Variants in PCDHGA9 observed in about 807,000 individuals in gnomAD.
The protein encoded by PCDHGA9 is protocadherin gamma subfamily A, 9.
A neutral mutation model predicts 62.5 loss-of-function variants in PCDHGA9; 37 were observed. That is an observed-to-expected ratio of 0.59 (90% CI 0.46 to 0.78). PCDHGA9 has a LOEUF of 0.78. Ranked by LOEUF, PCDHGA9 falls within the 30% of genes least tolerant of loss-of-function variation. The pLI, the probability that PCDHGA9 is intolerant of heterozygous loss-of-function variation, is 0.00. For synonymous variants in PCDHGA9, 459 were observed against 484.6 expected (o/e 0.95, Z 0.69); for missense variants, 1,138 against 1,166.2 (o/e 0.98, Z 0.35).
Position 141,406,431 on chromosome 5 carries a change from T to A in PCDHGA9, c.2424+1055T>A, listed in dbSNP as rs1316370664. 2.0e-5 allele frequency among the ~76,000 whole-genome samples: 3 copies of A among 152,352 alleles called. No individual in the cohort carries two copies. In the South Asian group the frequency reaches 6.2e-4, roughly 32 times the overall value. ...CAGCTGAAAGCCCAGATTTATTGCT[T>A]CTATTCTTCCATTTCTATGACAGGA... On this transcript the variant is annotated intron_variant, in intron 1 of 3. Coordinates refer to ENST00000573521, the MANE Select transcript of PCDHGA9 (RefSeq NM_018921.3).
At position 141,404,471 on chromosome 5, in the gene PCDHGA9, A is replaced by G. The variant is rs200620626; in HGVS notation, c.1519A>G (p.Ile507Val). The part of the protein sequence containing the change: ...QGSPLSTYVS[I>V]NSDTGVLYAL... ...GTCTCCTCTCTCCACCTATGTCTCT[A>G]TTAACTCAGACACTGGTGTGCTGTA... Residue 507 changes from isoleucine to valine, a missense_variant, in exon 1 of 4, where the codon ATT (isoleucine) becomes GTT (valine). Ile to Val is a conservative substitution (Grantham distance 29). Coordinates refer to ENST00000573521, the MANE Select transcript of PCDHGA9 (RefSeq NM_018921.3). 307 of 1,613,160 alleles carry G rather than the reference A, an allele frequency of 1.9e-4. No homozygotes were observed. Among genetic ancestry groups the G allele is most frequent in the Non-Finnish European group, 2.5e-4 (293 of 1,179,322 alleles).
chr5:141,432,949 C>A lies in PCDHGA9; in HGVS notation c.2424+27573C>A, dbSNP rs764998032. ...CACGCCTGCTGCAGGCTTCAGGAGG[C>A]GGCTTGACAGGAGCGCCGGCGTCGC... On this transcript the variant is annotated intron_variant, in intron 1 of 3. Transcript: ENST00000573521. This position sits in a 1 kb window ranked among gnomAD's most constrained non-coding sequence, Gnocchi z 6.0. The A allele has an allele frequency of 1.9e-6, 3 of 1,614,184 alleles. No homozygotes were observed. The highest frequency in any genetic ancestry group is 2.5e-6 in the Non-Finnish European group (3 of 1,180,040).
intron 1 of PCDHGA9, among the ~76,000 whole-genome samples, chr5:141,474,185 C>T (rs1481544975): frequency 1.3e-5 from 2 of 152,180 alleles, no homozygotes; most frequent in Non-Finnish European, 2.9e-5. Flanking sequence ...AAACTACTTA[C>T]ATTTTTAAAA....
At chr5:141,411,895 A>G (rs945335839) in intron 1 of PCDHGA9, 1 of 152,254 alleles carries the variant, frequency 6.6e-6, no homozygotes, top group Non-Finnish European at 1.5e-5. Context: ...TAAATGAAAT[A>G]CTATTGCCTT....
chr5:141,472,268 A>G (rs399559), intron 1 of PCDHGA9, among the ~76,000 whole-genome samples: 152,324 of 152,332 alleles, frequency 1, 76,158 homozygotes, highest in Middle Eastern at 1. Flanking sequence ...ATAGCCGGGC[A>G]CAGTGGCTCA....
chr5:141,408,302 C>T (rs1017556555), intron 1 of PCDHGA9: 1 of 1,613,780 alleles, frequency 6.2e-7, no homozygotes, highest in Non-Finnish European at 8.5e-7. Context: ...TGAGCCGATC[C>T]GCTACTCGAT....
rs190955361 is a variant in PCDHGA9, at chr5:141,486,090, G to A, written c.2425-8717G>A. On this transcript the variant is annotated intron_variant, in intron 1 of 3. Transcript: ENST00000573521. The surrounding 1 kb of genome is among the most constrained non-coding windows in gnomAD (Gnocchi z 5.0). ...ACTACTGGAAAGCTTACTCTTTTGG[G>A]GCCCCTAGACTTTGAGAGTGAGAAT... 3 of 1,614,086 alleles carry A rather than the reference G, an allele frequency of 1.9e-6. No homozygotes were observed. The highest frequency in any genetic ancestry group is 1.6e-4 in the Middle Eastern group (1 of 6,062).
chr5:141,477,566 C>T lies in PCDHGA9; in HGVS notation c.2425-17241C>T, dbSNP rs749100730. On this transcript the variant is annotated intron_variant, in intron 1 of 3. Coordinates refer to ENST00000573521, the MANE Select transcript of PCDHGA9 (RefSeq NM_018921.3). The surrounding 1 kb of genome is among the most constrained non-coding windows in gnomAD (Gnocchi z 4.9). ...AATACTAAACCTAAGTGTCTGGGAC[C>T]CCGACGCCCCGCAGAATGCTCGGCT... The T allele has an allele frequency of 1.9e-6, 3 of 1,613,988 alleles. No homozygotes were observed. The highest frequency in any genetic ancestry group is 8.5e-7 in the Non-Finnish European group (1 of 1,180,032).
chr5:141,421,409 C>T, intron 1 of PCDHGA9: 1 of 1,614,026 alleles, frequency 6.2e-7, no homozygotes, highest in Non-Finnish European at 8.5e-7. Context: ...CGGGAGCTGG[C>T]GAAGCGCGGA....
At chr5:141,433,400 TATCTATTA>T (rs1426636766) in intron 1 of PCDHGA9, among the ~76,000 whole-genome samples, 16 of 151,506 alleles carry the variant, frequency 1.1e-4, no homozygotes, top group African/African-American at 3.4e-4. Context: ...TCTATCTATC[TATCTATTA>T]CTTTCTTGTA....
Position 141,456,287 on chromosome 5 carries a change from C to A in PCDHGA9, c.2425-38520C>A, listed in dbSNP as rs951430060. On this transcript the variant is annotated intron_variant, in intron 1 of 3. Transcript: ENST00000573521. ...CTGGCTACTTCCTGCTGAAAAGGGGCGTCTAATGGAGAACAGCAGCTAGGG... is the reference window on the plus strand; with the variant it reads ...CTGGCTACTTCCTGCTGAAAAGGGGAGTCTAATGGAGAACAGCAGCTAGGG... Among the ~76,000 whole-genome samples, 11 of 152,166 alleles carry A rather than the reference C, an allele frequency of 7.2e-5. No individual in the cohort carries two copies. In the East Asian group the frequency reaches 1.9e-3, roughly 27 times the overall value.
At chr5:141,419,452 G>T (rs1590172506) in intron 1 of PCDHGA9, 1 of 1,612,754 alleles carries the variant, frequency 6.2e-7, no homozygotes, top group Non-Finnish European at 8.5e-7. Flanking sequence ...TCGAGCTCAC[G>T]CTGCAGGCCC....
chr5:141,477,932 C>G lies in PCDHGA9; in HGVS notation c.2425-16875C>G, dbSNP rs1193822505. The G allele has an allele frequency of 3.1e-6, 5 of 1,614,040 alleles. No individual in the cohort carries two copies. The highest frequency in any genetic ancestry group is 4.2e-6 in the Non-Finnish European group (5 of 1,180,042). On this transcript the variant is annotated intron_variant, in intron 1 of 3. Transcript: ENST00000573521. This position sits in a 1 kb window ranked among gnomAD's most constrained non-coding sequence, Gnocchi z 4.9. ...CGCGGATGCAGGGCACAATGCCTGG[C>G]TCTCCTACAGTCTCTTGGGATCCCC... is the stretch of plus-strand genomic sequence containing the variant.
chr5:141,431,921 G>A lies in PCDHGA9; in HGVS notation c.2424+26545G>A. The A allele has an allele frequency of 1.9e-6, 3 of 1,614,142 alleles. No homozygotes were observed. Among genetic ancestry groups the A allele is most frequent in the South Asian group, 2.2e-5 (2 of 91,084 alleles). On this transcript the variant is annotated intron_variant, in intron 1 of 3. Transcript: ENST00000573521. The surrounding 1 kb of genome is among the most constrained non-coding windows in gnomAD (Gnocchi z 4.8). ...CGGACAGGTGATCTGTTTCATCCAA[G>A]GAAATCTGCCCTTTAAATTAGAAAA...
intron 1 of PCDHGA9, among the ~76,000 whole-genome samples, chr5:141,488,511 G>A (rs2099676160): frequency 6.6e-6 from 1 of 152,162 alleles, no homozygotes. Context: ...CCACATTTGG[G>A]GTCTGGGGTG....
In PCDHGA9 at chr5:141,405,195, C is replaced by T; in HGVS notation, c.2243C>T (p.Ala748Val). The T allele has an allele frequency of 6.2e-7, 1 of 1,613,786 alleles. No homozygotes were observed. Residue 748 changes from alanine (A) to valine (V), a missense_variant, in exon 1 of 4, where the codon GCT (alanine) becomes GTT (valine). Physicochemically the swap from Ala to Val is moderately conservative, Grantham distance 64. Coordinates refer to ENST00000573521, the MANE Select transcript of PCDHGA9 (RefSeq NM_018921.3). The stretch of plus-strand genomic sequence containing the variant: ...TTTGTGGGTGTAGATGGGGTTCGAG[C>T]TTTCCTACAGACCTATTCTCAGGAG... Reference protein sequence around the residue: ...SHFVGVDGVRAFLQTYSQEFS... With the variant: ...SHFVGVDGVRVFLQTYSQEFS...
At chr5:141,428,606 A>G (rs1270096118) in intron 1 of PCDHGA9, 4 of 216,044 alleles carry the variant, frequency 1.9e-5, no homozygotes, top group Admixed American at 1.6e-4. Context: ...TTCACTGAAG[A>G]GAATAACAAG....
At chr5:141,430,996 G>C in intron 1 of PCDHGA9, 8 of 1,614,024 alleles carry the variant, frequency 5.0e-6, no homozygotes, top group Middle Eastern at 3.3e-4. Context: ...CCCTGAATCC[G>C]CGCAGCGGCA....
At chr5:141,462,698 G>A (rs2099045237) in intron 1 of PCDHGA9, among the ~76,000 whole-genome samples, 1 of 152,062 alleles carries the variant, frequency 6.6e-6, no homozygotes. Context: ...ATTTATAATG[G>A]AGGTTTTAAA....
Sources: gnomAD v4.1 joint callset for allele counts (sites outside exome capture counted in the v4.1 genomes callset) on GRCh38, gnomAD v4.1.1 for gene constraint, Gnocchi (gnomAD v3.1) non-coding constraint, MANE v1.5 for transcripts, NCBI Gene and HGNC (gene_info 2026-07-23, HGNC 2026-07-21) for gene names.